Variants in ELAVL2 observed in about 807,000 individuals in gnomAD.
ELAVL2 encodes ELAV like RNA binding protein 2.
In ELAVL2, 4 loss-of-function variants were observed where a neutral mutation model predicts 34.6. That is an observed-to-expected ratio of 0.12 (90% confidence interval 0.06 to 0.26). The LOEUF is 0.26. Ranked by LOEUF, ELAVL2 falls within the 10% of genes least tolerant of loss-of-function variation. The pLI is 1.00. For synonymous variants in ELAVL2, 193 were observed against 154.8 expected (o/e 1.25, Z -1.83); for missense variants, 432 against 442.8 (o/e 0.98, Z 0.22).
Position 23,801,428 on chromosome 9 carries a change from A to G in ELAVL2, c.-16+24378T>C, listed in dbSNP as rs565994860. On this transcript the variant is annotated intron_variant, in intron 1 of 6. Transcript: ENST00000397312. ...ACTGTCATTCATTCAATAAATATTA[A>G]GCTCTACGTACAGGAGCTATTGGAA... Among the ~76,000 whole-genome samples the G allele has an allele frequency of 2.6e-5, 4 of 152,298 alleles. No individual in the cohort carries two copies. The East Asian group carries it at 7.7e-4, about 29-fold the overall frequency.
intron 2 of ELAVL2, among the ~76,000 whole-genome samples, chr9:23,758,343 T>C (rs748684834): frequency 6.6e-6 from 1 of 152,108 alleles, no homozygotes; most frequent in Non-Finnish European, 1.5e-5. Flanking sequence ...GATACTACCA[T>C]TTTCTAGACT....
chr9:23,711,407 C>A (rs1353099144), intron 3 of ELAVL2, among the ~76,000 whole-genome samples: 1 of 152,122 alleles, frequency 6.6e-6, no homozygotes, highest in Admixed American at 6.5e-5. Flanking sequence ...ACTTAAATTA[C>A]CTAAAGGGCT....
intron 2 of ELAVL2, chr9:23,735,186 C>G (rs2047577974): frequency 7.7e-6 from 1 of 130,394 alleles, no homozygotes; most frequent in Admixed American, 8.1e-5. Context: ...GGTAACTGAA[C>G]ATAAAGAAGA....
intron 1 of ELAVL2, among the ~76,000 whole-genome samples, chr9:23,766,822 T>C (rs2136176131): frequency 6.6e-6 from 1 of 152,302 alleles, no homozygotes. Flanking sequence ...CAGGCAATTC[T>C]GCTCTACTCA....
intron 3 of ELAVL2, among the ~76,000 whole-genome samples, chr9:23,717,557 T>A (rs991500195): frequency 2.3e-4 from 35 of 152,220 alleles, no homozygotes; most frequent in African/African-American, 8.2e-4. Flanking sequence ...AAGGCCTCTG[T>A]GCTTTTGAAT....
the ELAVL2 span, among the ~76,000 whole-genome samples, chr9:23,837,317 C>A: frequency 6.6e-6 from 1 of 152,138 alleles, no homozygotes; most frequent in East Asian, 1.9e-4. Context: ...CACTGTGGCA[C>A]TAAGCAAAGA....
chr9:23,735,796 T>C (rs1322383170), intron 2 of ELAVL2, among the ~76,000 whole-genome samples: 2 of 152,142 alleles, frequency 1.3e-5, no homozygotes, highest in African/African-American at 4.8e-5. Context: ...GTAGAAATCA[T>C]GGTCAAGGGA....
chr9:23,695,368 T>C (rs572966238), intron 5 of ELAVL2, among the ~76,000 whole-genome samples: 1 of 152,242 alleles, frequency 6.6e-6, no homozygotes, highest in African/African-American at 2.4e-5. Flanking sequence ...TGCCCATTAA[T>C]TGCATCCATG....
At chr9:23,712,795 A>C (rs2041326981) in intron 3 of ELAVL2, among the ~76,000 whole-genome samples, 1 of 152,200 alleles carries the variant, frequency 6.6e-6, no homozygotes, top group Non-Finnish European at 1.5e-5. Flanking sequence ...TCTTAGCTTC[A>C]ACTTAAAGGC....
intron 3 of ELAVL2, among the ~76,000 whole-genome samples, chr9:23,718,428 T>G (rs1407396731): frequency 6.6e-6 from 1 of 152,168 alleles, no homozygotes; most frequent in Admixed American, 6.5e-5. Context: ...CAGCTCACTT[T>G]CTTTCAAGGG....
At chr9:23,705,129 A>G in intron 3 of ELAVL2, 58 bp from the exon 4 acceptor site, 1 of 1,596,306 alleles carries the variant, frequency 6.3e-7, no homozygotes. Flanking sequence ...ACCTCCCTTT[A>G]GAAACTCAAA....
rs1323315732 is a variant in ELAVL2, at chr9:23,781,750, T to C, written c.-15-19501A>G. Among the ~76,000 whole-genome samples, 7 of 151,904 alleles carry C rather than the reference T, an allele frequency of 4.6e-5. No individual in the cohort carries two copies. The East Asian group carries it at 9.7e-4, about 21-fold the overall frequency. On this transcript the variant is annotated intron_variant, in intron 1 of 6. Transcript: ENST00000397312. ...CTCTGCAACCCAGGCTGGAGTGCAG[T>C]GGCGGGATTCTCTGCTCACCGCAAA...
At chr9:23,743,729 T>C (rs940207590) in intron 2 of ELAVL2, among the ~76,000 whole-genome samples, 3 of 152,200 alleles carry the variant, frequency 2.0e-5, no homozygotes, top group Non-Finnish European at 4.4e-5. Context: ...CTTAAATGTA[T>C]AACAGGGTAG....
At chr9:23,786,224 AG>A (rs1425109115) in intron 1 of ELAVL2, among the ~76,000 whole-genome samples, 1 of 152,230 alleles carries the variant, frequency 6.6e-6, no homozygotes, top group Admixed American at 6.5e-5. Flanking sequence ...TTAACATACC[AG>A]GAAAGTCAAG....
intron 1 of ELAVL2, among the ~76,000 whole-genome samples, chr9:23,805,607 A>C (rs1564538597): frequency 1.3e-5 from 2 of 152,226 alleles, no homozygotes; most frequent in East Asian, 3.8e-4. Flanking sequence ...TGAGCTTGGC[A>C]TATACCACAG....
chr9:23,769,724 CAG>C (rs1401894694), intron 1 of ELAVL2, among the ~76,000 whole-genome samples: 3 of 152,206 alleles, frequency 2.0e-5, no homozygotes, highest in Non-Finnish European at 4.4e-5. Flanking sequence ...CAAGAACTTG[CAG>C]AGACAATGCA....
In ELAVL2 at chr9:23,731,053, T is replaced by C. The variant is rs1564135925; in HGVS notation, c.302A>G (p.Asn101Ser). Reference protein sequence around the residue: ...KDAEKAINTLNGLRLQTKTIK... With the variant: ...KDAEKAINTLSGLRLQTKTIK... Reference sequence around the variant, plus strand: ...TGTTTTGGTTTGAAGTCTCAATCCATTCAGGGTGTTGATAGCTTTCTCTGC... The same window carrying C: ...TGTTTTGGTTTGAAGTCTCAATCCACTCAGGGTGTTGATAGCTTTCTCTGC... The change falls in exon 3 of 7, where the codon AAT becomes AGT. Residue 101 changes from asparagine (N) to serine (S), a missense_variant. By Grantham distance (46) the Asn-to-Ser change is conservative (BLOSUM62 1). This residue lies in a region of ELAVL2 where 132 missense variants were observed against 118.3 expected (regional missense o/e 1.12). Coordinates refer to ENST00000397312, the MANE Select transcript of ELAVL2 (RefSeq NM_004432.5). The C allele has an allele frequency of 6.2e-7, 1 of 1,613,264 alleles. No individual in the cohort carries two copies. Among genetic ancestry groups the C allele is most frequent in the Non-Finnish European group, 8.5e-7 (1 of 1,179,438 alleles).
chr9:23,738,280 C>G (rs2048355002), intron 2 of ELAVL2, among the ~76,000 whole-genome samples: 1 of 152,234 alleles, frequency 6.6e-6, no homozygotes, highest in Non-Finnish European at 1.5e-5. Context: ...GCAGTTCTCT[C>G]TAGTCACGTT....
intron 1 of ELAVL2, chr9:23,821,082 C>T: frequency 6.5e-6 from 1 of 152,714 alleles, no homozygotes; most frequent in Non-Finnish European, 1.5e-5. Flanking sequence ...AGCAAGTGGG[C>T]ACACACCAGA....
Sources: gnomAD v4.1 joint callset for allele counts (sites outside exome capture counted in the v4.1 genomes callset) on GRCh38, gnomAD v4.1.1 for gene constraint, gnomAD v4.1.1 regional missense constraint, MANE v1.5 for transcripts, NCBI Gene and HGNC (gene_info 2026-07-23, HGNC 2026-07-21) for gene names.